DGCR2: variants seen among roughly 807,000 people sequenced by gnomAD.
The protein encoded by DGCR2 is integral membrane protein DGCR2/IDD.
In DGCR2, 24 loss-of-function variants were observed where a neutral mutation model predicts 51.6. The ratio of observed to expected loss-of-function variants is 0.47; its 90% CI spans 0.34 to 0.65. The LOEUF is 0.65. Ranked by LOEUF, DGCR2 falls within the 30% of genes least tolerant of loss-of-function variation. The pLI, the probability that DGCR2 is intolerant of heterozygous loss-of-function variation, is 0.01. For synonymous variants in DGCR2, 340 were observed against 315.4 expected (o/e 1.08, Z -0.82); for missense variants, 765 against 772.1 (o/e 0.99, Z 0.11).
At chr22:19,041,558 G>A (rs1007739341) in intron 8 of DGCR2, 5 of 594,166 alleles carry the variant, frequency 8.4e-6, no homozygotes, top group Non-Finnish European at 1.5e-5. Context: ...CACCCCTCCA[G>A]CTGGAAGGGT....
rs1344376942 is a variant in DGCR2 at position 19,041,282 on chromosome 22, T to C, written c.1172A>G (p.Asn391Ser). Reference sequence around the variant, plus strand: ...AAAGCCAGGGATCCTGCGGCCGAGGTTGAAGTGGTGCACTGGGCCATCAAA... The same window carrying C: ...AAAGCCAGGGATCCTGCGGCCGAGGCTGAAGTGGTGCACTGGGCCATCAAA... Reference protein sequence around the residue: ...SLIGANLHHFNLGRRIPGFDY... With the variant: ...SLIGANLHHFSLGRRIPGFDY... The change falls in exon 9 of 10, where the codon AAC becomes AGC. Residue 391 changes from asparagine (N) to serine (S), a missense_variant. Transcript: ENST00000263196. 4 of 1,613,726 alleles carry C rather than the reference T, an allele frequency of 2.5e-6. No homozygotes were observed. The highest frequency in any genetic ancestry group is 1.3e-5 in the African/African-American group (1 of 74,896).
At chr22:19,114,975 G>A (rs567235705) in intron 1 of DGCR2, among the ~76,000 whole-genome samples, 48 of 152,304 alleles carry the variant, frequency 3.2e-4, no homozygotes, top group African/African-American at 1.1e-3. Context: ...TTTTGCCAGA[G>A]GTCAGCCAGA....
chr22:19,120,151 G>A (rs1239899973), intron 1 of DGCR2, among the ~76,000 whole-genome samples: 1 of 152,236 alleles, frequency 6.6e-6, no homozygotes, highest in Admixed American at 6.5e-5. Flanking sequence ...CAGGAAGCCA[G>A]CTGCAGCTCC....
intron 2 of DGCR2, among the ~76,000 whole-genome samples, chr22:19,080,740 G>A (rs1290811256): frequency 6.6e-6 from 1 of 152,216 alleles, no homozygotes; most frequent in Non-Finnish European, 1.5e-5. Flanking sequence ...GGAGGCTGAG[G>A]TGGGAGGATC....
chr22:19,100,854 C>A (rs2083193767), intron 1 of DGCR2, among the ~76,000 whole-genome samples: 1 of 152,128 alleles, frequency 6.6e-6, no homozygotes, highest in South Asian at 2.1e-4. Flanking sequence ...TCTGTAACCC[C>A]AGCACTTTGG....
chr22:19,066,249 G>C (rs1388845877), intron 3 of DGCR2, among the ~76,000 whole-genome samples: 1 of 151,962 alleles, frequency 6.6e-6, no homozygotes, highest in African/African-American at 2.4e-5. Flanking sequence ...AAAATACAAA[G>C]AATTAGCCAG....
chr22:19,050,237 G>A (rs567339571), intron 6 of DGCR2, among the ~76,000 whole-genome samples: 1 of 152,320 alleles, frequency 6.6e-6, no homozygotes, highest in East Asian at 1.9e-4. Flanking sequence ...CAGCAAATGG[G>A]ACGTGACTTG....
chr22:19,041,337 T>C (rs1402036438), intron 8 of DGCR2, 43 bp from the exon 9 acceptor site: 1 of 1,591,438 alleles, frequency 6.3e-7, no homozygotes, highest in Non-Finnish European at 8.6e-7. Flanking sequence ...GACAAGTCAC[T>C]GGGGGCAGGC....
chr22:19,114,341 T>C (rs557859158), intron 1 of DGCR2, among the ~76,000 whole-genome samples: 76 of 152,348 alleles, frequency 5.0e-4, no homozygotes, highest in African/African-American at 1.8e-3. Context: ...TTCTACACCC[T>C]TGGGCTCTCT....
intron 1 of DGCR2, chr22:19,121,408 T>A (rs925577497): frequency 1.3e-5 from 2 of 152,168 alleles, no homozygotes; most frequent in African/African-American, 4.8e-5. Flanking sequence ...TTAGGGAGTT[T>A]GATTTTTTGG....
chr22:19,039,224 C>A (rs1440823212), intron 9 of DGCR2, 103 bp from the exon 10 acceptor site: 8 of 1,453,494 alleles, frequency 5.5e-6, no homozygotes, highest in Non-Finnish European at 7.5e-6. Flanking sequence ...GCCTGAAGGC[C>A]CCCCTGAAGC....
chr22:19,094,068 A>AGCCAC, intron 1 of DGCR2, among the ~76,000 whole-genome samples: 1 of 152,252 alleles, frequency 6.6e-6, no homozygotes, highest in Non-Finnish European at 1.5e-5. Context: ...CAAGGAAGAT[A>AGCCAC]TATACAGATG....
intron 1 of DGCR2, among the ~76,000 whole-genome samples, chr22:19,103,418 T>C (rs1019929558): frequency 4.2e-5 from 1 of 23,678 alleles, no homozygotes; most frequent in South Asian, 1.6e-3. Flanking sequence ...AAAAAGTTCT[T>C]TTTTTTTTTT....
chr22:19,066,554 GC>G (rs1406007839), intron 3 of DGCR2, among the ~76,000 whole-genome samples: 1 of 152,204 alleles, frequency 6.6e-6, no homozygotes, highest in African/African-American at 2.4e-5. Context: ...CACATGCCCC[GC>G]AGGTGGCTCT....
chr22:19,048,679 A>G (rs372908948), intron 6 of DGCR2, 36 bp from the exon 7 acceptor site: 5 of 1,602,694 alleles, frequency 3.1e-6, no homozygotes, highest in East Asian at 2.2e-5. Flanking sequence ...GATGTATACA[A>G]TGCCAAAAAA....
intron 1 of DGCR2, among the ~76,000 whole-genome samples, chr22:19,102,190 G>A (rs1390273732): frequency 6.6e-6 from 1 of 152,200 alleles, no homozygotes; most frequent in Non-Finnish European, 1.5e-5. Context: ...AATAGTATAT[G>A]ATTTCACTCA....
chr22:19,062,779 A>ATTCTCTCTCTCTCTCTCTCTCT, intron 5 of DGCR2, among the ~76,000 whole-genome samples: 4 of 127,352 alleles, frequency 3.1e-5, no homozygotes, highest in Non-Finnish European at 5.4e-5. Flanking sequence ...ATGCATGCTC[A>ATTCTCTCTCTCTCTCTCTCTCT]CTCTCTCTCT....
chr22:19,060,956 C>G (rs765639481), intron 5 of DGCR2: 1 of 453,052 alleles, frequency 2.2e-6, no homozygotes, highest in Non-Finnish European at 4.5e-6. Context: ...ACACCCCAAT[C>G]TGGAACATAT....
At chr22:19,112,167 G>A (rs1044349932) in intron 1 of DGCR2, among the ~76,000 whole-genome samples, 1 of 151,828 alleles carries the variant, frequency 6.6e-6, no homozygotes, top group Non-Finnish European at 1.5e-5. Flanking sequence ...CAGCTACTGG[G>A]GAGGCTGAGG....
Sources: allele counts gnomAD v4.1 joint callset (sites outside exome capture counted in the v4.1 genomes callset), GRCh38; gene constraint gnomAD v4.1.1; transcripts MANE v1.5; gene names NCBI Gene and HGNC (gene_info 2026-07-23, HGNC 2026-07-21).